Variants in NALCN observed in about 807,000 individuals in gnomAD.
The protein encoded by NALCN is sodium leak channel, non-selective.
NALCN carries 111 observed loss-of-function variants against 225.3 expected under a neutral mutation model. The observed-to-expected ratio is 0.49, with a 90% CI of 0.42 to 0.58. NALCN has a LOEUF of 0.58. Among genes scored for constraint, NALCN ranks in the 20% least tolerant of loss-of-function variants. The pLI is 0.00. For missense variants in NALCN, 1,378 were observed against 2,202.4 expected, an observed-to-expected ratio of 0.63 and a Z score of 7.49; for synonymous variants, 764 against 769.0, an observed-to-expected ratio of 0.99 and a Z score of 0.11.
In NALCN at chr13:101,053,855, C is replaced by T. The variant is rs907606351; in HGVS notation, c.*1440G>A. On this transcript the variant is annotated 3_prime_UTR_variant, in exon 44 of 44. Coordinates refer to ENST00000251127, the MANE Select transcript of NALCN (RefSeq NM_052867.4). ...AAGTGAACATCAAATCAAATCTAAT[C>T]CTTTTGGCCACATGACTGGTTGTTC... is the stretch of plus-strand genomic sequence containing the variant. The T allele has an allele frequency of 2.0e-5, 3 of 152,224 alleles. No individual in the cohort carries two copies. Among genetic ancestry groups the T allele is most frequent in the Middle Eastern group, 3.4e-3 (1 of 294 alleles). 9.4% of individuals were successfully genotyped at this position (152,224 alleles called of 1,614,324 possible). A position where few individuals can be genotyped will look rare whatever the true frequency, so the allele number is the denominator to read the frequency against.
intron 17 of NALCN, among the ~76,000 whole-genome samples, chr13:101,133,126 G>A (rs1009118127): frequency 6.6e-6 from 1 of 152,112 alleles, no homozygotes; most frequent in Non-Finnish European, 1.5e-5. Context: ...AGTAACCACA[G>A]ACCTATCTTG....
chr13:101,343,609 T>C (rs1024914895), intron 7 of NALCN, among the ~76,000 whole-genome samples: 2 of 152,212 alleles, frequency 1.3e-5, no homozygotes, highest in African/African-American at 4.8e-5. Context: ...AAAGATGCAC[T>C]TCCTGTTTTC....
At position 101,095,697 on chromosome 13, in the gene NALCN, A is replaced by T. The variant is rs747796040; in HGVS notation, c.3163-17T>A. ...GCAATCTTCCTAAAGTAGAAAAACA[A>T]GAGGAGAGGGGAAACCTGGTCAGAA... On this transcript the variant is annotated splice_polypyrimidine_tract_variant and intron_variant, in intron 27 of 43. Transcript: ENST00000251127. 3 of 1,586,152 alleles carry T rather than the reference A, an allele frequency of 1.9e-6. No homozygotes were observed. The highest frequency in any genetic ancestry group is 2.6e-6 in the Non-Finnish European group (3 of 1,158,866).
chr13:101,288,264 A>G lies in NALCN; in HGVS notation c.1047+3726T>C, dbSNP rs1441682293. Among the ~76,000 whole-genome samples, 3 of 152,208 alleles carry G rather than the reference A, an allele frequency of 2.0e-5. No homozygotes were observed. The East Asian group carries it at 5.8e-4, about 29-fold the overall frequency. ...GAAGCACCCTTCCCTGAAATGCATT[A>G]ATTGAATTGTTTTCTCACATATTTT... On this transcript the variant is annotated intron_variant, in intron 9 of 43. Transcript: ENST00000251127.
rs546177180 is a variant in NALCN at position 101,213,629 on chromosome 13, C to T, written c.1626+15764G>A. On this transcript the variant is annotated intron_variant, in intron 13 of 43. Transcript: ENST00000251127. ...TCAAACAACTCCTTCAAAAAGTGGG[C>T]GAAGGATATGAACAGACACTTCTCA... is the stretch of plus-strand genomic sequence containing the variant. Among the ~76,000 whole-genome samples, 138 of 152,196 alleles carry T rather than the reference C, an allele frequency of 9.1e-4. 1 individual carries two copies. The highest frequency in any genetic ancestry group is 2.2e-3 in the African/African-American group (92 of 41,524).
intron 17 of NALCN, among the ~76,000 whole-genome samples, chr13:101,128,524 G>A (rs2036352299): frequency 6.6e-6 from 1 of 151,740 alleles, no homozygotes; most frequent in Non-Finnish European, 1.5e-5. Context: ...GAGAAACCTG[G>A]GCCATTTGAC....
intron 13 of NALCN, among the ~76,000 whole-genome samples, chr13:101,202,573 C>T (rs2040164081): frequency 6.6e-6 from 1 of 152,110 alleles, no homozygotes; most frequent in Non-Finnish European, 1.5e-5. Context: ...GTGAAACCCT[C>T]AGGAAAAATA....
intron 9 of NALCN, 58 bp from the exon 10 acceptor site, chr13:101,284,077 CTA>C: frequency 2.1e-6 from 3 of 1,419,160 alleles, no homozygotes; most frequent in Non-Finnish European, 9.8e-7. Context: ...ATTGAGAACT[CTA>C]TGTCTCCAGC....
intron 10 of NALCN, among the ~76,000 whole-genome samples, chr13:101,279,036 G>A (rs2043059135): frequency 6.6e-6 from 1 of 152,164 alleles, no homozygotes; most frequent in South Asian, 2.1e-4. Context: ...CATGTCTAAA[G>A]CACAGTTGCA....
chr13:101,303,154 T>C (rs1477349692), intron 7 of NALCN, among the ~76,000 whole-genome samples: 1 of 152,174 alleles, frequency 6.6e-6, no homozygotes, highest in Non-Finnish European at 1.5e-5. Flanking sequence ...GAAGACAGGA[T>C]TGATAACTTC....
At chr13:101,236,292 G>C (rs923795735) in intron 12 of NALCN, among the ~76,000 whole-genome samples, 2 of 152,170 alleles carry the variant, frequency 1.3e-5, no homozygotes, top group Admixed American at 6.5e-5. Flanking sequence ...TGGAGAAATA[G>C]GAACACTTTT....
intron 15 of NALCN, among the ~76,000 whole-genome samples, chr13:101,159,395 A>G (rs2038055174): frequency 6.6e-6 from 1 of 152,166 alleles, no homozygotes; most frequent in Admixed American, 6.5e-5. Flanking sequence ...CCAGCTCTTC[A>G]TCATGGCTTG....
chr13:101,065,627 AG>A (rs2032316826), intron 39 of NALCN, 66 bp from the exon 40 acceptor site: 3 of 1,548,534 alleles, frequency 1.9e-6, no homozygotes, highest in African/African-American at 1.4e-5. Flanking sequence ...GTTTCTCAAA[AG>A]AAAAAAAAAA....
intron 37 of NALCN, among the ~76,000 whole-genome samples, chr13:101,072,781 T>C (rs1055640289): frequency 3.3e-5 from 5 of 152,136 alleles, no homozygotes; most frequent in African/African-American, 1.2e-4. Flanking sequence ...TAAATTTAAA[T>C]TTATGTTAAT....
chr13:101,062,245 C>T, intron 40 of NALCN, 127 bp from the exon 41 acceptor site: 1 of 1,050,060 alleles, frequency 9.5e-7, no homozygotes, highest in South Asian at 1.6e-5. Context: ...CCACCCCTCG[C>T]CACCCGCATG....
At chr13:101,119,766 C>T (rs1379691738) in intron 18 of NALCN, among the ~76,000 whole-genome samples, 2 of 152,140 alleles carry the variant, frequency 1.3e-5, no homozygotes, top group African/African-American at 2.4e-5. Flanking sequence ...GTCAGAACAA[C>T]AATAAATTTA....
Position 101,216,399 on chromosome 13 carries a change from A to T in NALCN, c.1626+12994T>A, listed in dbSNP as rs77532498. Among the ~76,000 whole-genome samples, 102 of 152,226 alleles carry T rather than the reference A, an allele frequency of 6.7e-4. 1 individual carries two copies. The East Asian group carries it at 0.019, about 28-fold the overall frequency. The stretch of plus-strand genomic sequence containing the variant: ...AACACACATCAAAATCAGAAAAGTG[A>T]TTCTCCATGGGAGAGTGAGAGGACA... On this transcript the variant is annotated intron_variant, in intron 13 of 43. Transcript: ENST00000251127.
chr13:101,180,948 A>T (rs559173171), intron 14 of NALCN: 1 of 422,928 alleles, frequency 2.4e-6, no homozygotes, highest in South Asian at 1.8e-5. Context: ...GCGGATGGGA[A>T]GGGCGGCCAC....
At chr13:101,209,640 A>G (rs752292818) in intron 13 of NALCN, among the ~76,000 whole-genome samples, 12 of 152,346 alleles carry the variant, frequency 7.9e-5, no homozygotes, top group Non-Finnish European at 1.2e-4. Flanking sequence ...GGCAGCAACT[A>G]TAAGATGAAG....
Sources: allele counts gnomAD v4.1 joint callset (sites outside exome capture counted in the v4.1 genomes callset), GRCh38; gene constraint gnomAD v4.1.1; transcripts MANE v1.5; gene names NCBI Gene and HGNC (gene_info 2026-07-23, HGNC 2026-07-21).